The following ANK2 variants were observed in gnomAD, a reference collection of about 807,000 sequenced individuals.
ANK2 encodes the protein ankyrin-2.
Under a neutral mutation model 360.5 loss-of-function variants are expected in ANK2, and 83 were observed. The ratio of observed to expected loss-of-function variants is 0.23; its 90% CI spans 0.19 to 0.28. The LOEUF (loss-of-function observed/expected upper bound fraction) is 0.28, where lower values mean the gene tolerates loss of function less well. Ranked by LOEUF, ANK2 falls within the 10% of genes least tolerant of loss-of-function variation. ANK2 has a pLI of 1.00. For synonymous variants in ANK2, 1,740 were observed against 1,759.5 expected, an observed-to-expected ratio of 0.99 and a Z score of 0.28; for missense variants, 4,201 against 4,795.7, an observed-to-expected ratio of 0.88 and a Z score of 3.66.
At chr4:113,070,555 G>A (rs2077184283) in intron 1 of ANK2, among the ~76,000 whole-genome samples, 2 of 151,998 alleles carry the variant, frequency 1.3e-5, no homozygotes, top group South Asian at 4.2e-4. Context: ...CCTGGTTTTG[G>A]TCCATCATAA....
intron 4 of ANK2, among the ~76,000 whole-genome samples, chr4:113,219,993 T>C (rs1319721602): frequency 6.6e-6 from 1 of 152,162 alleles, no homozygotes; most frequent in Admixed American, 6.5e-5. Context: ...AGCTCTAAGA[T>C]TGCCTCCTGC....
Position 112,939,836 on chromosome 4 carries a change from A to G in ANK2, c.21+35322A>G, listed in dbSNP as rs888367881. ...CTGTTTATGAGCTATTACTATAAGT[A>G]GCAACTATACAAATTATACCTATTA... On this transcript the variant is annotated intron_variant, in intron 2 of 30. Transcript: ENST00000503271. 3.3e-5 allele frequency among the ~76,000 whole-genome samples: 5 copies of G among 152,230 alleles called. No homozygotes were observed. In the East Asian group the frequency reaches 7.7e-4, roughly 23 times the overall value.
chr4:112,726,133 CA>C, the ANK2 span, among the ~76,000 whole-genome samples: 1 of 151,968 alleles, frequency 6.6e-6, no homozygotes, highest in Non-Finnish European at 1.5e-5. Flanking sequence ...GATGTTAAAG[CA>C]AATGCCAGTG....
chr4:113,235,061 T>G (rs1176364478), intron 5 of ANK2, among the ~76,000 whole-genome samples: 1 of 152,174 alleles, frequency 6.6e-6, no homozygotes, highest in African/African-American at 2.4e-5. Flanking sequence ...TTCCTAAATA[T>G]TACCAAAATT....
At chr4:112,927,373 G>A (rs753757019) in intron 2 of ANK2, among the ~76,000 whole-genome samples, 4 of 151,876 alleles carry the variant, frequency 2.6e-5, no homozygotes, top group Non-Finnish European at 5.9e-5. Flanking sequence ...AAATCCTTAC[G>A]TGACTCAGAT....
At chr4:113,332,530 G>C (rs1229688215) in intron 28 of ANK2, among the ~76,000 whole-genome samples, 1 of 152,236 alleles carries the variant, frequency 6.6e-6, no homozygotes, top group African/African-American at 2.4e-5. Context: ...GGGCCACACT[G>C]TGTACACATG....
At chr4:112,712,176 G>A in the ANK2 span, among the ~76,000 whole-genome samples, 401 of 149,792 alleles carry the variant, frequency 2.7e-3, 6 homozygotes, top group African/African-American at 9.1e-3. Flanking sequence ...TCTGCCTCTC[G>A]GGTTCAAGCT....
At chr4:113,249,674 G>A (rs1163426325) in intron 9 of ANK2, 90 bp from the exon 10 acceptor site, 3 of 1,209,404 alleles carry the variant, frequency 2.5e-6, no homozygotes, top group Middle Eastern at 1.9e-4. Flanking sequence ...TCAGGATTGA[G>A]TTTAGGAACT....
the ANK2 span, among the ~76,000 whole-genome samples, chr4:112,799,514 T>C: frequency 8.6e-5 from 13 of 151,746 alleles, no homozygotes; most frequent in Non-Finnish European, 1.3e-4. Flanking sequence ...TATTTATTTT[T>C]ATTTTTATTT....
At chr4:112,713,674 T>C in the ANK2 span, among the ~76,000 whole-genome samples, 1 of 152,270 alleles carries the variant, frequency 6.6e-6, no homozygotes, top group African/African-American at 2.4e-5. Context: ...TAAGTATATG[T>C]TTAACTTAAT....
At chr4:113,211,717 G>C (rs1243944726) in intron 4 of ANK2, among the ~76,000 whole-genome samples, 1 of 152,126 alleles carries the variant, frequency 6.6e-6, no homozygotes, top group African/African-American at 2.4e-5. Context: ...ACAGGAATTT[G>C]AAATTCACAG....
rs575635008 is a variant in ANK2 at position 113,343,213 on chromosome 4, T to C, written c.4248+71T>C. ...GGCAGAATTTGACTTCCTTTAGTAA[T>C]AGAAAATTTTCGCTTTTCAGTCATC... On this transcript the variant is annotated intron_variant, in intron 34 of 45. Transcript: ENST00000357077. 3.0e-5 allele frequency: 46 copies of C among 1,555,178 alleles called. No homozygotes were observed. In the East Asian group the frequency reaches 8.3e-4, roughly 28 times the overall value.
At chr4:112,854,396 A>T (rs1312937391) in intron 1 of ANK2, among the ~76,000 whole-genome samples, 1 of 152,196 alleles carries the variant, frequency 6.6e-6, no homozygotes, top group Non-Finnish European at 1.5e-5. Flanking sequence ...AGAGGAGGAC[A>T]CTGAAGATAA....
Position 112,917,965 on chromosome 4 carries a change from G to C in ANK2, c.21+13451G>C, listed in dbSNP as rs1410726636. On this transcript the variant is annotated intron_variant, in intron 2 of 30. Coordinates refer to the ANK2 transcript ENST00000503271. ...AGGCTAGTACCTCAAAGCACTACCT[G>C]CATAAAAAAGATTATCTGGCTACCA... Among the ~76,000 whole-genome samples the C allele has an allele frequency of 3.9e-5, 6 of 152,118 alleles. No homozygotes were observed. In the East Asian group the frequency reaches 1.2e-3, roughly 29 times the overall value.
chr4:113,363,595 G>C, intron 40 of ANK2, 126 bp downstream of exon 40: 3 of 1,008,366 alleles, frequency 3.0e-6, no homozygotes, highest in Non-Finnish European at 4.6e-6. Flanking sequence ...GTGGGTCCTT[G>C]AGTAATATCA....
intron 2 of ANK2, among the ~76,000 whole-genome samples, chr4:112,937,248 G>A (rs1346895941): frequency 6.6e-6 from 1 of 152,078 alleles, no homozygotes. Context: ...CTTTTGGATG[G>A]CAGGCTCTAT....
At chr4:112,817,637 A>ATATATATG (rs573313003), upstream of ANK2, among the ~76,000 whole-genome samples, 5 of 151,466 alleles carry the variant, frequency 3.3e-5, no homozygotes, top group East Asian at 1.9e-4. Context: ...ACTTAAACAT[A>ATATATATG]TATATATGTA....
intron 1 of ANK2, among the ~76,000 whole-genome samples, chr4:112,861,950 A>G (rs980596772): frequency 2.0e-5 from 3 of 152,126 alleles, no homozygotes; most frequent in Admixed American, 6.5e-5. Flanking sequence ...TAGGAGCATC[A>G]AAAAATGGCA....
intron 1 of ANK2, among the ~76,000 whole-genome samples, chr4:113,116,273 T>C (rs2094763936): frequency 6.6e-6 from 1 of 152,218 alleles, no homozygotes; most frequent in East Asian, 1.9e-4. Context: ...CTTTGAGTGA[T>C]AAAGAGTGGC....
Sources: gnomAD v4.1 joint callset for allele counts (sites outside exome capture counted in the v4.1 genomes callset) on GRCh38, gnomAD v4.1.1 for gene constraint, MANE v1.5 for transcripts, NCBI Gene and HGNC (gene_info 2026-07-23, HGNC 2026-07-21) for gene names.